Variants in MTHFD1 observed in about 807,000 individuals in gnomAD.
MTHFD1 encodes the protein methylenetetrahydrofolate dehydrogenase, cyclohydrolase and formyltetrahydrofolate synthetase 1, also known as C-1-tetrahydrofolate synthase, cytoplasmic.
A neutral mutation model predicts 110.3 loss-of-function variants in MTHFD1; 44 were observed. The observed-to-expected ratio is 0.40, with a 90% CI of 0.31 to 0.51. MTHFD1 has a LOEUF of 0.51. Among genes scored for constraint, MTHFD1 ranks in the 20% least tolerant of loss-of-function variants. MTHFD1 has a pLI of 0.60. For synonymous variants in MTHFD1, 402 were observed against 428.8 expected, an observed-to-expected ratio of 0.94 and a Z score of 0.77; for missense variants, 909 against 1,173.1, an observed-to-expected ratio of 0.77 and a Z score of 3.29.
intron 2 of MTHFD1, among the ~76,000 whole-genome samples, chr14:64,401,325 GC>G (rs2077894835): frequency 6.6e-6 from 1 of 152,042 alleles, no homozygotes; most frequent in African/African-American, 2.4e-5. Flanking sequence ...ACTGTACCTG[GC>G]CCCGTTTACA....
intron 2 of MTHFD1, among the ~76,000 whole-genome samples, chr14:64,401,641 T>C (rs2077897747): frequency 6.7e-6 from 1 of 149,234 alleles, no homozygotes; most frequent in Admixed American, 6.8e-5. Context: ...AGGTGGAGGT[T>C]GCAGTGAGCC....
intron 8 of MTHFD1, chr14:64,424,352 G>C (rs549083339): frequency 4.7e-6 from 1 of 214,854 alleles, no homozygotes; most frequent in Non-Finnish European, 9.4e-6. Context: ...ATGTTGAATT[G>C]TTCCTCCAGC....
intron 13 of MTHFD1, among the ~76,000 whole-genome samples, chr14:64,431,160 C>T (rs1255924146): frequency 1.3e-5 from 2 of 151,342 alleles, no homozygotes; most frequent in East Asian, 1.9e-4. Context: ...CTGCAACCTC[C>T]ACCTCCCAAG....
At chr14:64,425,580 T>A (rs1385442563) in intron 9 of MTHFD1, 150 bp from the exon 10 acceptor site, 1 of 735,448 alleles carries the variant, frequency 1.4e-6, no homozygotes, top group African/African-American at 1.7e-5. Context: ...GTTAGGTGCC[T>A]CTTGACTCTT....
chr14:64,450,439 C>T (rs922270961), intron 24 of MTHFD1, among the ~76,000 whole-genome samples: 1 of 152,154 alleles, frequency 6.6e-6, no homozygotes, highest in African/African-American at 2.4e-5. Context: ...CTCCAGGAAG[C>T]TTCATCATTT....
intron 21 of MTHFD1, among the ~76,000 whole-genome samples, chr14:64,442,688 C>CA (rs1445528689): frequency 6.6e-6 from 1 of 152,128 alleles, no homozygotes; most frequent in Non-Finnish European, 1.5e-5. Flanking sequence ...GCTAGCCCCA[C>CA]AAAAAACTGT....
At position 64,439,090 on chromosome 14, in the gene MTHFD1, C is replaced by A; in HGVS notation, c.1598-6C>A. 6.2e-7 allele frequency: 1 copy of A among 1,611,428 alleles called. No individual in the cohort carries two copies. ...AATCGTTCTATATCTTGCCTGTCTG[C>A]TGTAGTGTTGGATACCAATGATAGA... On this transcript the variant is annotated splice_polypyrimidine_tract_variant and splice_region_variant and intron_variant, in intron 16 of 27. Coordinates refer to ENST00000652337, the MANE Select transcript of MTHFD1 (RefSeq NM_005956.4).
At chr14:64,420,050 C>A in intron 8 of MTHFD1, 125 bp downstream of exon 8, 1 of 768,968 alleles carries the variant, frequency 1.3e-6, no homozygotes, top group Non-Finnish European at 2.3e-6. Flanking sequence ...AGGAGACTGA[C>A]TAGCCCAAGG....
chr14:64,419,415 G>A (rs1422295230), intron 7 of MTHFD1, among the ~76,000 whole-genome samples: 3 of 152,228 alleles, frequency 2.0e-5, no homozygotes. Context: ...TCTCTTAAAT[G>A]TGGGGAGAGA....
In MTHFD1 at chr14:64,415,669, T is replaced by A. The variant is rs371880674; in HGVS notation, c.408T>A (p.Ala136=). The change falls in exon 6 of 28, where the codon GCT becomes GCA. Residue 136 remains alanine, a synonymous_variant. Coordinates refer to ENST00000652337, the MANE Select transcript of MTHFD1 (RefSeq NM_005956.4). ...CTAGCATCAATGCTGGGAAACTTGC[T>A]AGAGGTGACCTCAATGACTGTTTCA... is the stretch of plus-strand genomic sequence containing the variant. ...GLTSINAGKL[A]RGDLNDCFIP... The A allele has an allele frequency of 1.9e-5, 31 of 1,613,412 alleles. No individual in the cohort carries two copies. Among genetic ancestry groups the A allele is most frequent in the Non-Finnish European group, 2.6e-5 (31 of 1,179,440 alleles).
chr14:64,449,338 T>G (rs1045659475), intron 23 of MTHFD1, 107 bp from the exon 24 acceptor site: 72 of 1,316,024 alleles, frequency 5.5e-5, no homozygotes, highest in Non-Finnish European at 7.5e-5. Flanking sequence ...TCTTGGTTAG[T>G]GTTCGTTTAT....
intron 25 of MTHFD1, among the ~76,000 whole-genome samples, chr14:64,454,456 A>T (rs1037721306): frequency 6.6e-6 from 1 of 152,092 alleles, no homozygotes; most frequent in Non-Finnish European, 1.5e-5. Context: ...CTATTATTTT[A>T]AATTAGTTTT....
At chr14:64,447,632 G>A (rs1166447940) in intron 22 of MTHFD1, among the ~76,000 whole-genome samples, 1 of 151,914 alleles carries the variant, frequency 6.6e-6, no homozygotes, top group Non-Finnish European at 1.5e-5. Flanking sequence ...CCTAAAGATA[G>A]TATTTATCTT....
chr14:64,452,628 G>A (rs1167396820), intron 24 of MTHFD1, among the ~76,000 whole-genome samples: 4 of 152,210 alleles, frequency 2.6e-5, no homozygotes, highest in African/African-American at 4.8e-5. Context: ...TGCCCAATGC[G>A]TGTTGATCAT....
intron 22 of MTHFD1, among the ~76,000 whole-genome samples, chr14:64,447,490 G>A (rs1171516994): frequency 4.5e-5 from 6 of 132,178 alleles, no homozygotes; most frequent in Non-Finnish European, 7.8e-5. Flanking sequence ...CTTCTCAGTT[G>A]TAGAGATGGG....
At chr14:64,455,872 C>T (rs530065445) in intron 26 of MTHFD1, among the ~76,000 whole-genome samples, 4 of 152,318 alleles carry the variant, frequency 2.6e-5, no homozygotes, top group Admixed American at 2.6e-4. Context: ...TGGTGCTTAG[C>T]ACAAATGCCT....
intron 1 of MTHFD1, among the ~76,000 whole-genome samples, chr14:64,399,666 A>G (rs959650279): frequency 1.1e-4 from 16 of 151,860 alleles, no homozygotes; most frequent in Non-Finnish European, 1.9e-4. Context: ...CAAAAAAAAA[A>G]AAAAAAAAAA....
At chr14:64,416,660 A>G (rs1057080309) in intron 6 of MTHFD1, among the ~76,000 whole-genome samples, 5 of 152,212 alleles carry the variant, frequency 3.3e-5, no homozygotes, top group African/African-American at 1.2e-4. Context: ...GCCAGCATAA[A>G]TGAAAATTTT....
chr14:64,400,756 C>T (rs779065816), intron 1 of MTHFD1, 37 bp from the exon 2 acceptor site: 1 of 1,287,232 alleles, frequency 7.8e-7, no homozygotes, highest in Admixed American at 1.7e-5. Flanking sequence ...GTGCTTGAAA[C>T]ATTCAGTGTT....
Sources: gnomAD v4.1 joint callset for allele counts (sites outside exome capture counted in the v4.1 genomes callset) on GRCh38, gnomAD v4.1.1 for gene constraint, MANE v1.5 for transcripts, NCBI Gene and HGNC (gene_info 2026-07-23, HGNC 2026-07-21) for gene names.